The following PDE11A variants were observed in gnomAD, a reference collection of about 807,000 sequenced individuals.
PDE11A encodes the protein phosphodiesterase 11A.
In PDE11A, 100 loss-of-function variants were observed where a neutral mutation model predicts 100.5. The ratio of observed to expected loss-of-function variants is 1.00; its 90% CI spans 0.85 to 1.18. PDE11A has a LOEUF of 1.18. Among genes scored for constraint, PDE11A ranks in the 50% most tolerant of loss-of-function variants. PDE11A has a pLI of 0.00. For synonymous variants in PDE11A, 381 were observed against 420.8 expected (o/e 0.91, Z 1.16); for missense variants, 1,141 against 1,152.6 (o/e 0.99, Z 0.15).
At chr2:177,807,924 T>G (rs1216615603) in intron 9 of PDE11A, among the ~76,000 whole-genome samples, 1 of 152,176 alleles carries the variant, frequency 6.6e-6, no homozygotes, top group Non-Finnish European at 1.5e-5. Flanking sequence ...TCAATAGCCC[T>G]TTTATAAAGA....
intron 2 of PDE11A, among the ~76,000 whole-genome samples, chr2:178,103,956 C>T (rs1455272756): frequency 1.3e-5 from 2 of 152,128 alleles, no homozygotes; most frequent in African/African-American, 2.4e-5. Flanking sequence ...ATTTCTCCCA[C>T]TCTGCTAAAA....
chr2:177,858,340 T>G (rs895151506), intron 5 of PDE11A, among the ~76,000 whole-genome samples: 1 of 151,606 alleles, frequency 6.6e-6, no homozygotes, highest in Non-Finnish European at 1.5e-5. Flanking sequence ...ATTTTTGCAA[T>G]CTACTCATCT....
chr2:177,913,108 TA>T (rs1439332049), intron 2 of PDE11A, among the ~76,000 whole-genome samples: 2 of 152,178 alleles, frequency 1.3e-5, no homozygotes, highest in African/African-American at 4.8e-5. Context: ...TTATGATATA[TA>T]AAATATACCT....
chr2:177,988,051 T>C (rs1412281952), intron 2 of PDE11A, among the ~76,000 whole-genome samples: 1 of 152,200 alleles, frequency 6.6e-6, no homozygotes, highest in African/African-American at 2.4e-5. Flanking sequence ...TGTGCAGAAG[T>C]GTCTTCTCAT....
chr2:177,933,522 A>G (rs10176226), intron 2 of PDE11A, among the ~76,000 whole-genome samples: 13,132 of 152,006 alleles, frequency 0.086, 534 homozygotes, highest in South Asian at 0.1. Flanking sequence ...CTCTACTAAA[A>G]ATACAAAAAT....
chr2:177,675,262 TAA>T (rs11378638), intron 17 of PDE11A, among the ~76,000 whole-genome samples, 191 bp downstream of exon 17: 1,437 of 139,102 alleles, frequency 0.01, 10 homozygotes, highest in East Asian at 0.033. Flanking sequence ...GAAAGCACGA[TAA>T]AAAAAAAAAA....
chr2:177,898,206 A>G lies in PDE11A; in HGVS notation c.1162-8T>C, dbSNP rs2084640801. On this transcript the variant is annotated splice_polypyrimidine_tract_variant and splice_region_variant and intron_variant, in intron 3 of 19. Transcript: ENST00000286063. ...AACCACCTCTAGCAAAGCCTAGAAA[A>G]GATGAAATAGATGTATATAAGTGGA... 1 of 1,588,860 alleles carries G rather than the reference A, an allele frequency of 6.3e-7. No homozygotes were observed. Among genetic ancestry groups the G allele is most frequent in the East Asian group, 2.2e-5 (1 of 44,714 alleles).
At chr2:177,774,739 C>A (rs2082355842) in intron 9 of PDE11A, among the ~76,000 whole-genome samples, 1 of 152,158 alleles carries the variant, frequency 6.6e-6, no homozygotes, top group Non-Finnish European at 1.5e-5. Flanking sequence ...TTGGTCAATT[C>A]ACTGGCTTTT....
At chr2:177,963,663 T>C (rs2573080) in intron 2 of PDE11A, among the ~76,000 whole-genome samples, 85,551 of 152,044 alleles carry the variant, frequency 0.56, 26,756 homozygotes, top group African/African-American at 0.84. Flanking sequence ...GCTTCTCTCT[T>C]GAAATCTGTC....
chr2:178,056,466 A>G (rs1323564592), intron 1 of PDE11A, among the ~76,000 whole-genome samples: 2 of 152,306 alleles, frequency 1.3e-5, no homozygotes, highest in East Asian at 1.9e-4. Flanking sequence ...AAGCCTGGAT[A>G]TTGCATACCA....
chr2:178,092,991 T>C (rs2087443589), intron 2 of PDE11A: 3 of 152,196 alleles, frequency 2.0e-5, no homozygotes, highest in African/African-American at 7.2e-5. Context: ...AAGTTTTAAG[T>C]TTGTGTAGTT....
intron 5 of PDE11A, among the ~76,000 whole-genome samples, chr2:177,871,560 T>TCA (rs1558983917): frequency 1.9e-3 from 274 of 146,714 alleles, no homozygotes; most frequent in African/African-American, 6.5e-3. Context: ...ATTATTATTA[T>TCA]TATTATTATT....
chr2:177,664,001 A>G (rs770780942), intron 18 of PDE11A, 52 bp from the exon 19 acceptor site: 2 of 1,101,508 alleles, frequency 1.8e-6, no homozygotes, highest in East Asian at 4.7e-5. Flanking sequence ...AGTATTTTAC[A>G]GGGTGCTTTG....
At chr2:177,688,441 AC>A (rs1406018253) in intron 15 of PDE11A, 1 of 152,242 alleles carries the variant, frequency 6.6e-6, no homozygotes, top group Non-Finnish European at 1.5e-5. Flanking sequence ...AACAGAGTAA[AC>A]AGCATGAACA....
chr2:177,736,544 G>A (rs1559166571), intron 10 of PDE11A, among the ~76,000 whole-genome samples: 2 of 151,840 alleles, frequency 1.3e-5, no homozygotes, highest in Admixed American at 6.6e-5. Context: ...AAGAAAGGGA[G>A]GAGGAAGAAG....
chr2:177,988,226 G>A (rs2085963179), intron 2 of PDE11A, among the ~76,000 whole-genome samples: 1 of 152,184 alleles, frequency 6.6e-6, no homozygotes, highest in Admixed American at 6.5e-5. Flanking sequence ...ACCTCTTGAT[G>A]CTTCCATGGT....
chr2:177,675,587 G>A, intron 16 of PDE11A, 69 bp from the exon 17 acceptor site: 1 of 1,110,916 alleles, frequency 9.0e-7, no homozygotes, highest in Non-Finnish European at 1.4e-6. Flanking sequence ...ACCCGTCCTA[G>A]ATACATAAAT....
chr2:177,917,147 C>T (rs902044630), intron 2 of PDE11A, among the ~76,000 whole-genome samples: 3 of 152,060 alleles, frequency 2.0e-5, no homozygotes, highest in African/African-American at 7.2e-5. Flanking sequence ...TTCCCCTTGT[C>T]CTTCCAAAGA....
chr2:177,709,630 C>T (rs1422188782), intron 13 of PDE11A, among the ~76,000 whole-genome samples: 2 of 152,018 alleles, frequency 1.3e-5, no homozygotes, highest in African/African-American at 2.4e-5. Flanking sequence ...CCTGAAGGAT[C>T]GTGAAGAGTG....
Sources: gnomAD v4.1 joint callset for allele counts (sites outside exome capture counted in the v4.1 genomes callset) on GRCh38, gnomAD v4.1.1 for gene constraint, MANE v1.5 for transcripts, NCBI Gene and HGNC (gene_info 2026-07-23, HGNC 2026-07-21) for gene names.